The following DNAJC3 variants were observed in gnomAD, a reference collection of about 807,000 sequenced individuals.
DNAJC3 encodes DnaJ heat shock protein family (Hsp40) member C3, also known as dnaJ homolog subfamily C member 3.
DNAJC3 carries 38 observed loss-of-function variants against 68.6 expected under a neutral mutation model. That is an observed-to-expected ratio of 0.55 (90% CI 0.43 to 0.73). The LOEUF is 0.73. Ranked by LOEUF, DNAJC3 falls within the 30% of genes least tolerant of loss-of-function variation. The pLI, the probability that DNAJC3 is intolerant of heterozygous loss-of-function variation, is 0.00. For missense variants in DNAJC3, 526 were observed against 591.9 expected (o/e 0.89, Z 1.16); for synonymous variants, 203 against 204.0 (o/e 1.00, Z 0.04).
chr13:95,746,225 A>G (rs1882302484), intron 4 of DNAJC3, among the ~76,000 whole-genome samples: 1 of 152,216 alleles, frequency 6.6e-6, no homozygotes, highest in Non-Finnish European at 1.5e-5. Flanking sequence ...CAAAGTGCAG[A>G]ATAGGATAGT....
chr13:95,727,327 G>A (rs530225687), intron 4 of DNAJC3, among the ~76,000 whole-genome samples: 81 of 152,114 alleles, frequency 5.3e-4, no homozygotes, highest in Non-Finnish European at 1.0e-3. Context: ...CCTTGGATAT[G>A]CCTTGGGTTA....
intron 1 of DNAJC3, among the ~76,000 whole-genome samples, chr13:95,691,241 G>A (rs1173545911): frequency 5.9e-5 from 9 of 151,616 alleles, no homozygotes; most frequent in Admixed American, 2.6e-4. Flanking sequence ...GGGCGGAGAC[G>A]CTCCTCACTT....
At chr13:95,781,621 C>T (rs1285060643) in intron 9 of DNAJC3, among the ~76,000 whole-genome samples, 2 of 152,028 alleles carry the variant, frequency 1.3e-5, no homozygotes, top group East Asian at 3.9e-4. Flanking sequence ...TTGCATTGCT[C>T]CTCAAGAATG....
At chr13:95,777,945 T>C (rs1439473274) in intron 9 of DNAJC3, among the ~76,000 whole-genome samples, 1 of 152,226 alleles carries the variant, frequency 6.6e-6, no homozygotes, top group African/African-American at 2.4e-5. Context: ...TGAAATTTTA[T>C]AGACTATGAT....
At chr13:95,687,296 TA>T (rs146507848) in intron 1 of DNAJC3, among the ~76,000 whole-genome samples, 2,593 of 152,262 alleles carry the variant, frequency 0.017, 79 homozygotes, top group African/African-American at 0.059. Context: ...GTTTTCTAGG[TA>T]AAAAAATCAT....
intron 4 of DNAJC3, among the ~76,000 whole-genome samples, chr13:95,755,298 A>T (rs767312325): frequency 2.6e-5 from 4 of 152,066 alleles, no homozygotes; most frequent in Non-Finnish European, 5.9e-5. Context: ...AAAATAATAA[A>T]AAATTAGCTG....
At chr13:95,722,083 T>A (rs1175017168) in intron 2 of DNAJC3, among the ~76,000 whole-genome samples, 2 of 151,940 alleles carry the variant, frequency 1.3e-5, no homozygotes, top group African/African-American at 2.4e-5. Context: ...TATGCTTCTA[T>A]TTCCAAATGC....
At chr13:95,736,727 C>T (rs1187986448) in intron 4 of DNAJC3, among the ~76,000 whole-genome samples, 16 of 147,816 alleles carry the variant, frequency 1.1e-4, no homozygotes, top group Non-Finnish European at 2.0e-4. Context: ...TGGGCTGAGA[C>T]AATGGGGTTT....
intron 9 of DNAJC3, among the ~76,000 whole-genome samples, chr13:95,766,868 A>G (rs901169608): frequency 6.6e-6 from 1 of 151,600 alleles, no homozygotes; most frequent in African/African-American, 2.4e-5. Context: ...TGCCTGGCTA[A>G]TTTTTGTGTT....
intron 1 of DNAJC3, among the ~76,000 whole-genome samples, chr13:95,679,218 T>TATTATTTTTTTTTTTTTATTATACTC (rs1324587006): frequency 6.7e-6 from 1 of 150,070 alleles, no homozygotes; most frequent in African/African-American, 2.5e-5. Flanking sequence ...TTTTTTTTTT[T>TATTATTTTTTTTTTTTTATTATACTC]TTGTAATTAA....
chr13:95,688,965 TGC>T (rs1418067440), intron 1 of DNAJC3, among the ~76,000 whole-genome samples: 5 of 130,910 alleles, frequency 3.8e-5, no homozygotes, highest in African/African-American at 7.8e-5. Flanking sequence ...TGTGTGTGTG[TGC>T]GCGCTGTTGG....
chr13:95,677,390 G>A, intron 1 of DNAJC3, 53 bp downstream of exon 1: 1 of 1,516,954 alleles, frequency 6.6e-7, no homozygotes, highest in Admixed American at 2.0e-5. Context: ...CAGGCCCCCC[G>A]CGCTTTCCCG....
At chr13:95,689,973 CT>C (rs908021156) in intron 1 of DNAJC3, among the ~76,000 whole-genome samples, 7 of 149,180 alleles carry the variant, frequency 4.7e-5, no homozygotes, top group East Asian at 2.0e-4. Context: ...ATGATTTGGA[CT>C]TTTTTTTTTC....
intron 2 of DNAJC3, among the ~76,000 whole-genome samples, chr13:95,719,418 C>A (rs949898817): frequency 6.6e-6 from 1 of 152,164 alleles, no homozygotes; most frequent in African/African-American, 2.4e-5. Flanking sequence ...TGTATTATAT[C>A]GTTGGCTATT....
intron 11 of DNAJC3, among the ~76,000 whole-genome samples, chr13:95,787,414 T>A (rs1391501849): frequency 6.6e-6 from 1 of 152,190 alleles, no homozygotes; most frequent in African/African-American, 2.4e-5. Flanking sequence ...AAAGAAGTTA[T>A]CAGAACTTTT....
At chr13:95,742,879 T>C (rs1472578221) in intron 4 of DNAJC3, 1 of 507,552 alleles carries the variant, frequency 2.0e-6, no homozygotes, top group Admixed American at 2.1e-5. Flanking sequence ...CTAAAACTTT[T>C]CTCATATCTT....
At chr13:95,771,473 C>T (rs974749869) in intron 9 of DNAJC3, among the ~76,000 whole-genome samples, 1 of 151,958 alleles carries the variant, frequency 6.6e-6, no homozygotes, top group African/African-American at 2.4e-5. Flanking sequence ...AGTTGGGGGT[C>T]AGTGGGTGGG....
chr13:95,718,135 G>T (rs1401975881), intron 2 of DNAJC3, among the ~76,000 whole-genome samples: 1 of 152,170 alleles, frequency 6.6e-6, no homozygotes, highest in Non-Finnish European at 1.5e-5. Context: ...ATGAAATATA[G>T]TATTTCCATA....
At chr13:95,703,373 C>T (rs1880632091) in intron 1 of DNAJC3, among the ~76,000 whole-genome samples, 1 of 152,176 alleles carries the variant, frequency 6.6e-6, no homozygotes, top group Non-Finnish European at 1.5e-5. Flanking sequence ...TTGGGAGTCA[C>T]TCAAAGTGGT....
Sources: gnomAD v4.1 joint callset for allele counts (sites outside exome capture counted in the v4.1 genomes callset) on GRCh38, gnomAD v4.1.1 for gene constraint, MANE v1.5 for transcripts, NCBI Gene and HGNC (gene_info 2026-07-23, HGNC 2026-07-21) for gene names.